Variants in PLAAT5 observed in about 807,000 individuals in gnomAD.
PLAAT5 encodes the protein Ca(2+)-independent N-acyltransferase.
In PLAAT5, 27 loss-of-function variants were observed where a neutral mutation model predicts 27.8. The observed-to-expected ratio is 0.97, with a 90% confidence interval of 0.72 to 1.34. The LOEUF (loss-of-function observed/expected upper bound fraction) is 1.34, where lower values mean the gene tolerates loss of function less well. Among genes scored for constraint, PLAAT5 ranks in the 40% most tolerant of loss-of-function variants. PLAAT5 has a pLI of 0.00. For synonymous variants in PLAAT5, 125 were observed against 136.1 expected (o/e 0.92, Z 0.57); for missense variants, 368 against 343.8 (o/e 1.07, Z -0.56).
intron 3 of PLAAT5, among the ~76,000 whole-genome samples, chr11:63,473,596 G>T (rs1003804228): frequency 6.6e-6 from 1 of 151,816 alleles, no homozygotes; most frequent in African/African-American, 2.4e-5. Flanking sequence ...GAGTTCAAGA[G>T]AATTTTTTTT....
At chr11:63,469,143 TGTGAGA>T (rs1297386616) in intron 3 of PLAAT5, among the ~76,000 whole-genome samples, 5 of 139,180 alleles carry the variant, frequency 3.6e-5, no homozygotes, top group South Asian at 2.2e-4. Context: ...TGTGTGTGTG[TGTGAGA>T]GAGAGAGAGA....
intron 3 of PLAAT5, among the ~76,000 whole-genome samples, chr11:63,478,928 CT>C (rs2016217144): frequency 1.3e-5 from 2 of 152,244 alleles, no homozygotes; most frequent in Non-Finnish European, 2.9e-5. Flanking sequence ...TCCCTTGCCC[CT>C]GCCAACAAAC....
chr11:63,465,894 C>CTG (rs961773410), intron 5 of PLAAT5, among the ~76,000 whole-genome samples: 1 of 152,160 alleles, frequency 6.6e-6, no homozygotes, highest in African/African-American at 2.4e-5. Context: ...GCTCCAATCG[C>CTG]TGGTCTTACT....
intron 3 of PLAAT5, among the ~76,000 whole-genome samples, chr11:63,482,344 A>C (rs1327160336): frequency 6.6e-6 from 1 of 152,212 alleles, no homozygotes; most frequent in East Asian, 1.9e-4. Flanking sequence ...AAAGGAAAGA[A>C]TCTTATGAGC....
chr11:63,482,368 C>T (rs891531172), intron 3 of PLAAT5, among the ~76,000 whole-genome samples: 2 of 152,100 alleles, frequency 1.3e-5, no homozygotes, highest in Non-Finnish European at 2.9e-5. Context: ...GAGGCAAAAG[C>T]GTCAGGTAAC....
intron 3 of PLAAT5, chr11:63,470,779 C>T (rs893559496): frequency 6.6e-6 from 1 of 152,096 alleles, no homozygotes; most frequent in African/African-American, 2.4e-5. Context: ...AAAGCCATTG[C>T]TATCTGCTCA....
rs1292808580 is a variant in PLAAT5, at chr11:63,490,346, G to A, written c.149-13C>T. On this transcript the variant is annotated splice_polypyrimidine_tract_variant and intron_variant, in intron 1 of 5. Coordinates refer to ENST00000540857, the MANE Select transcript of PLAAT5 (RefSeq NM_001146729.2). ...CCCACGGATTCTTCTAATTCAAGGGGGGAAATGCTATTTAGACCTGTGAAA... is the reference window on the plus strand; with the variant it reads ...CCCACGGATTCTTCTAATTCAAGGGAGGAAATGCTATTTAGACCTGTGAAA... 1.9e-6 allele frequency: 3 copies of A among 1,613,980 alleles called. No individual in the cohort carries two copies. Among genetic ancestry groups the A allele is most frequent in the East Asian group, 2.2e-5 (1 of 44,888 alleles).
chr11:63,489,574 C>A (rs1342565379), intron 2 of PLAAT5, among the ~76,000 whole-genome samples: 4 of 152,200 alleles, frequency 2.6e-5, no homozygotes, highest in Non-Finnish European at 1.5e-5. Flanking sequence ...GCCAAAAGAT[C>A]TAGGTTTGAA....
At chr11:63,473,908 A>G (rs867758044) in intron 3 of PLAAT5, among the ~76,000 whole-genome samples, 16 of 152,036 alleles carry the variant, frequency 1.1e-4, no homozygotes, top group African/African-American at 3.9e-4. Context: ...CTTGTTAACC[A>G]GGCTGATCTC....
intron 3 of PLAAT5, chr11:63,470,777 T>C (rs964081826): frequency 6.6e-6 from 1 of 152,214 alleles, no homozygotes; most frequent in Non-Finnish European, 1.5e-5. Context: ...GAAAAGCCAT[T>C]GCTATCTGCT....
At chr11:63,483,843 A>G (rs1341805327) in intron 3 of PLAAT5, among the ~76,000 whole-genome samples, 1 of 108,026 alleles carries the variant, frequency 9.3e-6, no homozygotes, top group Non-Finnish European at 2.1e-5. Context: ...ATATATATAT[A>G]CACATATATA....
intron 3 of PLAAT5, among the ~76,000 whole-genome samples, chr11:63,473,674 C>T (rs1291472464): frequency 6.7e-6 from 1 of 149,778 alleles, no homozygotes; most frequent in African/African-American, 2.5e-5. Context: ...TGATTTTTGT[C>T]CTTTACTCTA....
intron 3 of PLAAT5, among the ~76,000 whole-genome samples, chr11:63,475,288 T>A (rs2016126479): frequency 6.6e-6 from 1 of 152,104 alleles, no homozygotes; most frequent in African/African-American, 2.4e-5. Flanking sequence ...ATTTATCCCT[T>A]TATTTCTATC....
intron 3 of PLAAT5, among the ~76,000 whole-genome samples, chr11:63,488,037 C>T (rs769234332): frequency 2.0e-5 from 3 of 152,136 alleles, no homozygotes; most frequent in Admixed American, 6.5e-5. Context: ...CCCAGCTACT[C>T]GGGAGGCTGA....
intron 2 of PLAAT5, among the ~76,000 whole-genome samples, chr11:63,489,754 T>C (rs2016516627): frequency 6.6e-6 from 1 of 152,194 alleles, no homozygotes; most frequent in East Asian, 1.9e-4. Flanking sequence ...AAATGACTTT[T>C]TCTTTACCTT....
rs527885415 is a variant in PLAAT5 at position 63,482,066 on chromosome 11, A to G, written c.345+6805T>C. Among the ~76,000 whole-genome samples, 196 of 152,344 alleles carry G rather than the reference A, an allele frequency of 1.3e-3. 1 individual carries two copies. Among genetic ancestry groups the G allele is most frequent in the Non-Finnish European group, 2.4e-3 (163 of 68,036 alleles). ...AAACTTAAAGTATAATAATAAAAAA[A>G]AAGAAAAAAATAATCAAAAGTATGA... is the stretch of plus-strand genomic sequence containing the variant. On this transcript the variant is annotated intron_variant, in intron 3 of 5. Transcript: ENST00000540857.
rs900566759 is a variant in PLAAT5 at position 63,490,879 on chromosome 11, G to C, written c.148+8C>G. Reference sequence around the variant, plus strand: ...GGATTGTCCTTCAGCCGCATTCTTGGGGCTGACCTGAGTGGGGCACAGCTG... The same window carrying C: ...GGATTGTCCTTCAGCCGCATTCTTGCGGCTGACCTGAGTGGGGCACAGCTG... On this transcript the variant is annotated splice_region_variant and intron_variant, in intron 1 of 5. Coordinates refer to ENST00000540857, the MANE Select transcript of PLAAT5 (RefSeq NM_001146729.2). 5 of 1,599,752 alleles carry C rather than the reference G, an allele frequency of 3.1e-6. No homozygotes were observed. In the African/African-American group the frequency reaches 5.4e-5, roughly 17 times the overall value.
At chr11:63,479,986 C>T (rs1460136231) in intron 3 of PLAAT5, among the ~76,000 whole-genome samples, 2 of 152,180 alleles carry the variant, frequency 1.3e-5, no homozygotes, top group African/African-American at 2.4e-5. Flanking sequence ...TACCTGACCA[C>T]AGACCCCAAT....
intron 4 of PLAAT5, 113 bp from the exon 5 acceptor site, chr11:63,466,485 G>T (rs2120216551): frequency 1.9e-6 from 2 of 1,057,234 alleles, no homozygotes; most frequent in East Asian, 5.2e-5. Flanking sequence ...ACCATCAGTA[G>T]AAGGGTGGCA....
Sources: allele counts gnomAD v4.1 joint callset (sites outside exome capture counted in the v4.1 genomes callset), GRCh38; gene constraint gnomAD v4.1.1; transcripts MANE v1.5; gene names NCBI Gene and HGNC (gene_info 2026-07-23, HGNC 2026-07-21).